Variants in CSMD1 observed in about 807,000 individuals in gnomAD.
CSMD1 encodes CUB and Sushi multiple domains 1, also known as CUB and sushi domain-containing protein 1.
A neutral mutation model predicts 417.5 loss-of-function variants in CSMD1; 213 were observed. That is an observed-to-expected ratio of 0.51 (90% confidence interval 0.46 to 0.57). The LOEUF is 0.57. CSMD1 is among the 20% of genes least tolerant of loss of function. The pLI is 0.00. For missense variants in CSMD1, 6,923 were observed against 4,529.7 expected, an observed-to-expected ratio of 1.53 and a Z score of -15.17; for synonymous variants, 2,862 against 1,736.8, an observed-to-expected ratio of 1.65 and a Z score of -16.11.
rs191281722 is a variant in CSMD1, at chr8:4,929,855, G to C, written c.85+64477C>G. Among the ~76,000 whole-genome samples the C allele has an allele frequency of 1.8e-3, 270 of 152,238 alleles. 1 individual carries two copies. Among genetic ancestry groups the C allele is most frequent in the African/African-American group, 6.1e-3 (254 of 41,544 alleles). Reference sequence around the variant, plus strand: ...AAAACATCCCCATTGGCAAATTTAAGTTTTTACAAAGGCACTTGGCACCAC... The same window carrying C: ...AAAACATCCCCATTGGCAAATTTAACTTTTTACAAAGGCACTTGGCACCAC... On this transcript the variant is annotated intron_variant, in intron 1 of 69. Transcript: ENST00000635120.
intron 54 of CSMD1, among the ~76,000 whole-genome samples, chr8:2,993,451 T>G (rs1262473185): frequency 1.3e-5 from 2 of 152,226 alleles, no homozygotes; most frequent in Admixed American, 6.5e-5. Context: ...AAAAGAGGAG[T>G]GTCAGGGCAC....
rs79639206 is a variant in CSMD1 at position 3,045,006 on chromosome 8, G to C, written c.7660+7456C>G. Among the ~76,000 whole-genome samples, 1,321 of 152,214 alleles carry C rather than the reference G, an allele frequency of 8.7e-3. 27 individuals carry two copies. The highest frequency in any genetic ancestry group is 0.03 in the African/African-American group (1,249 of 41,524). On this transcript the variant is annotated intron_variant, in intron 50 of 69. Coordinates refer to ENST00000635120, the MANE Select transcript of CSMD1 (RefSeq NM_033225.6). ...GCCAGATTTTTTCCATTTAAATTAA[G>C]TGAACAAAAACAATCCCCCGAATAA...
chr8:3,380,321 G>A (rs182868036), intron 18 of CSMD1, among the ~76,000 whole-genome samples: 18 of 152,324 alleles, frequency 1.2e-4, no homozygotes, highest in African/African-American at 4.3e-4. Flanking sequence ...CATTGTGGAA[G>A]ACAGTGTGGT....
At chr8:4,110,248 T>G (rs1034389389) in intron 3 of CSMD1, among the ~76,000 whole-genome samples, 1 of 152,146 alleles carries the variant, frequency 6.6e-6, no homozygotes, top group Admixed American at 6.5e-5. Flanking sequence ...GACTGAAAGC[T>G]TGGCAACGAA....
intron 3 of CSMD1, among the ~76,000 whole-genome samples, chr8:4,321,084 T>G (rs535592228): frequency 7.3e-4 from 111 of 152,278 alleles, no homozygotes; most frequent in Middle Eastern, 6.8e-3. Context: ...TGTCATACGC[T>G]TATATTGAGT....
intron 3 of CSMD1, among the ~76,000 whole-genome samples, chr8:4,271,145 T>C (rs1804566946): frequency 6.6e-6 from 1 of 152,164 alleles, no homozygotes; most frequent in Non-Finnish European, 1.5e-5. Flanking sequence ...TCTGAATTAT[T>C]GTCACTACAG....
intron 26 of CSMD1, among the ~76,000 whole-genome samples, chr8:3,250,209 T>TC (rs1800162649): frequency 6.6e-6 from 1 of 152,110 alleles, no homozygotes; most frequent in African/African-American, 2.4e-5. Flanking sequence ...CCCTCCCTGA[T>TC]CCCCCCACCC....
At chr8:3,590,971 T>C (rs1800819466) in intron 8 of CSMD1, among the ~76,000 whole-genome samples, 1 of 152,192 alleles carries the variant, frequency 6.6e-6, no homozygotes, top group African/African-American at 2.4e-5. Context: ...ATAAATCAGA[T>C]ATAACATCAG....
chr8:4,224,154 C>G (rs1486686693), intron 3 of CSMD1, among the ~76,000 whole-genome samples: 1 of 152,096 alleles, frequency 6.6e-6, no homozygotes, highest in Non-Finnish European at 1.5e-5. Flanking sequence ...GTTTCGCTTA[C>G]TACACATAAT....
intron 10 of CSMD1, among the ~76,000 whole-genome samples, chr8:3,559,423 C>T (rs543808568): frequency 4.6e-5 from 7 of 152,198 alleles, no homozygotes; most frequent in South Asian, 2.1e-4. Context: ...TGGGAATATA[C>T]GCAACATATT....
At chr8:3,905,870 A>G (rs949461139) in intron 5 of CSMD1, among the ~76,000 whole-genome samples, 6 of 152,238 alleles carry the variant, frequency 3.9e-5, no homozygotes, top group Non-Finnish European at 7.3e-5. Context: ...CCAATTTAGC[A>G]GAAGGTTTCT....
chr8:4,305,523 A>C (rs553186032), intron 3 of CSMD1, among the ~76,000 whole-genome samples: 8 of 152,236 alleles, frequency 5.3e-5, no homozygotes, highest in Non-Finnish European at 8.8e-5. Context: ...GAGCGGTGTC[A>C]CAGAACAACT....
chr8:3,070,000 T>C (rs537217358), intron 49 of CSMD1, among the ~76,000 whole-genome samples: 14 of 152,268 alleles, frequency 9.2e-5, no homozygotes, highest in African/African-American at 3.4e-4. Flanking sequence ...CTTGCACCCT[T>C]CGGAACGGGG....
chr8:4,283,044 T>A (rs1363490784), intron 3 of CSMD1, among the ~76,000 whole-genome samples: 1 of 152,140 alleles, frequency 6.6e-6, no homozygotes, highest in East Asian at 1.9e-4. Context: ...TTAAAAAAAA[T>A]GCCTGATAGT....
chr8:3,666,453 G>T (rs1447916493), intron 7 of CSMD1, among the ~76,000 whole-genome samples: 1 of 152,086 alleles, frequency 6.6e-6, no homozygotes, highest in Non-Finnish European at 1.5e-5. Context: ...CAGAAATACT[G>T]AATCACGATT....
chr8:4,156,396 A>C (rs931004706), intron 3 of CSMD1, among the ~76,000 whole-genome samples: 1 of 152,208 alleles, frequency 6.6e-6, no homozygotes, highest in South Asian at 2.1e-4. Context: ...CAAGTCCATA[A>C]AATTTCTCAA....
chr8:4,261,291 G>C (rs925527466), intron 3 of CSMD1, among the ~76,000 whole-genome samples: 33 of 152,072 alleles, frequency 2.2e-4, no homozygotes, highest in East Asian at 3.9e-4. Context: ...TTGTTTCTAA[G>C]TGAAATAACC....
At chr8:4,110,334 C>T (rs1389654995) in intron 3 of CSMD1, among the ~76,000 whole-genome samples, 2 of 152,034 alleles carry the variant, frequency 1.3e-5, no homozygotes, top group East Asian at 3.9e-4. Flanking sequence ...GAATTTTTGG[C>T]CTCTAACTTC....
At chr8:4,723,308 T>C (rs951442175) in intron 1 of CSMD1, among the ~76,000 whole-genome samples, 1 of 152,116 alleles carries the variant, frequency 6.6e-6, no homozygotes, top group African/African-American at 2.4e-5. Flanking sequence ...ATTACTACAA[T>C]AGCCAGGATT....
Sources: allele counts gnomAD v4.1 joint callset (sites outside exome capture counted in the v4.1 genomes callset), GRCh38; gene constraint gnomAD v4.1.1; transcripts MANE v1.5; gene names NCBI Gene and HGNC (gene_info 2026-07-23, HGNC 2026-07-21).